TUBD1: variants seen among roughly 807,000 people sequenced by gnomAD.
TUBD1 encodes the protein tubulin delta chain.
TUBD1 carries 38 observed loss-of-function variants against 51.2 expected under a neutral mutation model. That is an observed-to-expected ratio of 0.74 (90% CI 0.57 to 0.97). TUBD1 has a LOEUF of 0.97. TUBD1 is among the 50% of genes least tolerant of loss of function. The pLI, the probability that TUBD1 is intolerant of heterozygous loss-of-function variation, is 0.00. For missense variants in TUBD1, 489 were observed against 538.4 expected (o/e 0.91, Z 0.91); for synonymous variants, 169 against 178.2 (o/e 0.95, Z 0.41).
chr17:59,874,753 G>T (rs1598533196), intron 5 of TUBD1, 50 bp from the exon 6 acceptor site: 1 of 1,490,454 alleles, frequency 6.7e-7, no homozygotes, highest in Non-Finnish European at 9.2e-7. Context: ...CTACATTGTT[G>T]CCAATAGTCT....
chr17:59,885,396 C>T (rs527674862), intron 3 of TUBD1: 17 of 992,614 alleles, frequency 1.7e-5, no homozygotes, highest in East Asian at 7.4e-5. Context: ...TGCAGCTGTT[C>T]GGCTTCATGG....
Position 59,880,031 on chromosome 17 carries a change from G to A in TUBD1, c.537+863C>T, listed in dbSNP as rs535633072. Among the ~76,000 whole-genome samples, 41 of 152,114 alleles carry A rather than the reference G, an allele frequency of 2.7e-4. 1 individual carries two copies. The highest frequency in any genetic ancestry group is 1.4e-3 in the South Asian group (7 of 4,828). Reference sequence around the variant, plus strand: ...GCCTCCCAAAGTGCTGGGATTACAGGTGTGAGCCACTGCGCCCAGCCATTC... The same window carrying A: ...GCCTCCCAAAGTGCTGGGATTACAGATGTGAGCCACTGCGCCCAGCCATTC... On this transcript the variant is annotated intron_variant, in intron 4 of 8. Transcript: ENST00000325752.
At position 59,860,355 on chromosome 17, in the gene TUBD1, T is replaced by C. The variant is rs746413141; in HGVS notation, c.1329A>G (p.Leu443=). ...TACAGTAACTGGCAACAACCTGCTC[T>C]AATGACGTGAAACTGTCTAAAAAGT... ...EEDFLDSFTS[L]EQVVASYCNL Residue 443 remains leucine (L), a synonymous_variant, in exon 9 of 9, where the codon TTA becomes TTG. Transcript: ENST00000325752. 1.9e-6 allele frequency: 3 copies of C among 1,613,120 alleles called. No individual in the cohort carries two copies. Among genetic ancestry groups the C allele is most frequent in the Admixed American group, 1.7e-5 (1 of 59,910 alleles).
chr17:59,868,623 G>C (rs2039827605), intron 6 of TUBD1, among the ~76,000 whole-genome samples: 1 of 152,106 alleles, frequency 6.6e-6, no homozygotes, highest in African/African-American at 2.4e-5. Context: ...GGGATCACGA[G>C]TTCAAGAGAT....
At chr17:59,877,970 GAT>G in intron 5 of TUBD1, 131 bp downstream of exon 5, 1 of 691,586 alleles carries the variant, frequency 1.4e-6, no homozygotes, top group South Asian at 1.9e-5. Flanking sequence ...AGAACTAGCA[GAT>G]GTGAAGAAAG....
chr17:59,882,285 T>C (rs893370919), intron 3 of TUBD1, among the ~76,000 whole-genome samples: 1 of 152,122 alleles, frequency 6.6e-6, no homozygotes, highest in African/African-American at 2.4e-5. Flanking sequence ...TTTTTTGTTT[T>C]TGTTTTTGTG....
Position 59,863,863 on chromosome 17 carries a change from G to T in TUBD1, c.1076-16C>A. 6.8e-7 allele frequency: 1 copy of T among 1,460,520 alleles called. No individual in the cohort carries two copies. Among genetic ancestry groups the T allele is most frequent in the Non-Finnish European group, 9.1e-7 (1 of 1,102,694 alleles). 90.5% of individuals were successfully genotyped at this position (1,460,520 alleles called of 1,614,324 possible). A position where few individuals can be genotyped will look rare whatever the true frequency, so the allele number is the denominator to read the frequency against. ...TTAAATCCCTCTAGAGTAAAAACAA[G>T]ATAAGCCGTCTTTTTATAGCATAAA... On this transcript the variant is annotated splice_polypyrimidine_tract_variant and intron_variant, in intron 7 of 8. Transcript: ENST00000325752.
rs755495613 is a variant in TUBD1, at chr17:59,863,765, A to G, written c.1158T>C (p.Phe386=). The change falls in exon 8 of 9, where the codon TTT becomes TTC. Residue 386 remains phenylalanine (F), a synonymous_variant. Coordinates refer to ENST00000325752, the MANE Select transcript of TUBD1 (RefSeq NM_016261.4). ...AFNVWKTQRA[F]SKYEKSAVLV... is the part of the protein sequence containing the mutation. ...ACACTGCAGACTTCTCATATTTGCTAAAGGCCCGCTGGGTTTTCCACACGT... is the reference window on the plus strand; with the variant it reads ...ACACTGCAGACTTCTCATATTTGCTGAAGGCCCGCTGGGTTTTCCACACGT... 1.2e-6 allele frequency: 2 copies of G among 1,611,614 alleles called. No homozygotes were observed. Among genetic ancestry groups the G allele is most frequent in the South Asian group, 1.1e-5 (1 of 90,378 alleles).
intron 4 of TUBD1, chr17:59,878,569 C>T (rs915220106): frequency 3.4e-5 from 13 of 386,846 alleles, no homozygotes; most frequent in Middle Eastern, 7.6e-4. Flanking sequence ...ACTGCAACCT[C>T]GGCCTCCCGG....
At chr17:59,888,082 C>T (rs1459226110) in intron 2 of TUBD1, among the ~76,000 whole-genome samples, 1 of 152,002 alleles carries the variant, frequency 6.6e-6, no homozygotes, top group Non-Finnish European at 1.5e-5. Context: ...CTACAGGCAC[C>T]CGCCACCACG....
intron 5 of TUBD1, among the ~76,000 whole-genome samples, chr17:59,875,127 G>A (rs1225484832): frequency 6.9e-6 from 1 of 145,424 alleles, no homozygotes; most frequent in Non-Finnish European, 1.5e-5. Flanking sequence ...CCAGGCTGGA[G>A]GAGTGCAGTG....
intron 4 of TUBD1, among the ~76,000 whole-genome samples, chr17:59,879,964 G>A (rs189734988): frequency 1.3e-5 from 2 of 152,034 alleles, no homozygotes; most frequent in Non-Finnish European, 2.9e-5. Context: ...TGTTGGCCAG[G>A]GTGATCTCGA....
At chr17:59,860,592 CTT>C (rs1033648200) in intron 8 of TUBD1, among the ~76,000 whole-genome samples, 168 bp from the exon 9 acceptor site, 2 of 144,266 alleles carry the variant, frequency 1.4e-5, no homozygotes. Context: ...AGTGAACTTT[CTT>C]TTTTTTTTTT....
intron 6 of TUBD1, 33 bp from the exon 7 acceptor site, chr17:59,866,782 T>C: frequency 6.4e-7 from 1 of 1,563,118 alleles, no homozygotes; most frequent in African/African-American, 1.4e-5. Flanking sequence ...AGAGGTTTTA[T>C]TTTATTTACT....
chr17:59,886,650 A>AG (rs1458294469), intron 2 of TUBD1: 1 of 160,088 alleles, frequency 6.2e-6, no homozygotes, highest in African/African-American at 2.4e-5. Context: ...AAAAAAAAAA[A>AG]AAAAAGAGTA....
chr17:59,878,450 T>C (rs1402266044), intron 4 of TUBD1, 116 bp from the exon 5 acceptor site: 1 of 694,032 alleles, frequency 1.4e-6, no homozygotes, highest in African/African-American at 1.8e-5. Context: ...TCTAGCCGTA[T>C]GACCTTGGAC....
At chr17:59,883,771 T>A (rs1724699037) in intron 3 of TUBD1, among the ~76,000 whole-genome samples, 1 of 152,040 alleles carries the variant, frequency 6.6e-6, no homozygotes, top group African/African-American at 2.4e-5. Flanking sequence ...TAGGGTGGAC[T>A]TGAACTCCTG....
chr17:59,878,491 T>A, intron 4 of TUBD1, 157 bp from the exon 5 acceptor site: 1 of 246,992 alleles, frequency 4.0e-6, no homozygotes, highest in Non-Finnish European at 7.6e-6. Flanking sequence ...TCAGTTTCCT[T>A]TTTTTTTTTT....
At chr17:59,862,166 A>C (rs1204348687) in intron 8 of TUBD1, among the ~76,000 whole-genome samples, 2 of 151,398 alleles carry the variant, frequency 1.3e-5, no homozygotes, top group Admixed American at 6.6e-5. Context: ...TCTACTAAAA[A>C]TACAAAATTA....
Sources: gnomAD v4.1 joint callset for allele counts (sites outside exome capture counted in the v4.1 genomes callset) on GRCh38, gnomAD v4.1.1 for gene constraint, MANE v1.5 for transcripts, NCBI Gene and HGNC (gene_info 2026-07-23, HGNC 2026-07-21) for gene names.